Variants in SNX8 observed in about 807,000 individuals in gnomAD.
The protein encoded by SNX8 is sorting nexin 8.
A neutral mutation model predicts 51.6 loss-of-function variants in SNX8; 25 were observed. The observed-to-expected ratio is 0.48, with a 90% CI of 0.35 to 0.68. The LOEUF (loss-of-function observed/expected upper bound fraction) is 0.68, where lower values mean the gene tolerates loss of function less well. SNX8 is among the 30% of genes least tolerant of loss of function. SNX8 has a pLI of 0.00. For missense variants in SNX8, 695 were observed against 624.0 expected, an observed-to-expected ratio of 1.11 and a Z score of -1.21; for synonymous variants, 324 against 277.0, an observed-to-expected ratio of 1.17 and a Z score of -1.68.
chr7:2,331,042 C>G (rs1778724240), intron 1 of SNX8, among the ~76,000 whole-genome samples: 1 of 151,578 alleles, frequency 6.6e-6, no homozygotes, highest in African/African-American at 2.4e-5. Context: ...AAAAATTAGC[C>G]AGGCATGGTG....
chr7:2,350,353 C>T (rs2115254012), intron 1 of SNX8, among the ~76,000 whole-genome samples: 1 of 152,314 alleles, frequency 6.6e-6, no homozygotes, highest in Non-Finnish European at 1.5e-5. Flanking sequence ...CCCCAAGGGG[C>T]CGTGTGGCGG....
At chr7:2,265,306 C>T (rs553866059) in intron 5 of SNX8, among the ~76,000 whole-genome samples, 4 of 152,304 alleles carry the variant, frequency 2.6e-5, no homozygotes, top group African/African-American at 9.6e-5. Flanking sequence ...CACCACTGCA[C>T]CCCAGCCTGG....
intron 1 of SNX8, among the ~76,000 whole-genome samples, chr7:2,332,519 C>G (rs529954271): frequency 2.6e-5 from 4 of 152,150 alleles, no homozygotes; most frequent in Admixed American, 1.3e-4. Context: ...CTAGGAAGGT[C>G]GAAGTAGGAG....
chr7:2,267,273 C>T (rs1331324568), intron 5 of SNX8, among the ~76,000 whole-genome samples: 1 of 151,852 alleles, frequency 6.6e-6, no homozygotes, highest in Non-Finnish European at 1.5e-5. Context: ...AAGGGATGTA[C>T]TCTTCAAAGT....
chr7:2,354,488 C>T (rs1483153184), upstream of SNX8, among the ~76,000 whole-genome samples: 5 of 152,190 alleles, frequency 3.3e-5, no homozygotes, highest in African/African-American at 1.2e-4. Flanking sequence ...TCCTAGCATT[C>T]CGGGTACTAA....
At chr7:2,341,763 G>C (rs942518506) in intron 1 of SNX8, among the ~76,000 whole-genome samples, 2 of 152,028 alleles carry the variant, frequency 1.3e-5, no homozygotes, top group African/African-American at 4.8e-5. Context: ...GACGCAGGCA[G>C]ATCACCTGAG....
chr7:2,346,285 A>G (rs908727027), intron 1 of SNX8, among the ~76,000 whole-genome samples: 3 of 151,134 alleles, frequency 2.0e-5, no homozygotes, highest in Admixed American at 1.3e-4. Context: ...TCTACAAAAA[A>G]TAAAAAGAAA....
At chr7:2,321,263 G>C (rs1049204910) in intron 1 of SNX8, among the ~76,000 whole-genome samples, 1 of 152,076 alleles carries the variant, frequency 6.6e-6, no homozygotes, top group Non-Finnish European at 1.5e-5. Flanking sequence ...ATGCCGACAG[G>C]AGAGAAAAGG....
chr7:2,352,460 G>A (rs1292308743), intron 1 of SNX8, among the ~76,000 whole-genome samples: 3 of 152,008 alleles, frequency 2.0e-5, no homozygotes, highest in Non-Finnish European at 4.4e-5. Context: ...TAACTTTTAT[G>A]ACAATATATT....
At chr7:2,270,551 A>G (rs1006175928) in intron 4 of SNX8, among the ~76,000 whole-genome samples, 1 of 152,024 alleles carries the variant, frequency 6.6e-6, no homozygotes, top group African/African-American at 2.4e-5. Flanking sequence ...CTGCCCCCAG[A>G]ACAGGGATAT....
Position 2,352,099 on chromosome 7 carries a change from G to A in SNX8, c.-66+2123C>T, listed in dbSNP as rs560608141. 2.6e-3 allele frequency among the ~76,000 whole-genome samples: 401 copies of A among 151,620 alleles called. 2 individuals carry two copies. The highest frequency in any genetic ancestry group is 4.4e-3 in the Non-Finnish European group (301 of 67,902). On this transcript the variant is annotated intron_variant, in intron 1 of 5. Coordinates refer to the SNX8 transcript ENST00000435336. ...ATTTTTGTATTTTTAGTAGAGATGG[G>A]GTTTCACCATGTTGTTCAGGCTGGT...
chr7:2,301,713 G>C (rs1187024658), intron 1 of SNX8, among the ~76,000 whole-genome samples: 1 of 152,176 alleles, frequency 6.6e-6, no homozygotes, highest in Non-Finnish European at 1.5e-5. Flanking sequence ...CCCACTGGCA[G>C]GCGTGTCTTA....
chr7:2,318,281 T>C (rs1796785249), upstream of SNX8, among the ~76,000 whole-genome samples: 1 of 152,144 alleles, frequency 6.6e-6, no homozygotes, highest in Non-Finnish European at 1.5e-5. Context: ...CCAGGCACAG[T>C]TGCTCACACC....
upstream of SNX8, among the ~76,000 whole-genome samples, chr7:2,314,644 G>C (rs1292463681): frequency 1.3e-5 from 2 of 152,122 alleles, no homozygotes; most frequent in Non-Finnish European, 2.9e-5. Context: ...ACGTGGACAC[G>C]GAGCCTGCTG....
intron 1 of SNX8, among the ~76,000 whole-genome samples, chr7:2,305,768 C>T (rs1256803000): frequency 2.0e-5 from 3 of 152,018 alleles, no homozygotes; most frequent in African/African-American, 7.2e-5. Context: ...CACGTGTAAC[C>T]ACCATCCAGG....
intron 4 of SNX8, among the ~76,000 whole-genome samples, chr7:2,270,781 C>T (rs1288019553): frequency 6.6e-6 from 1 of 152,152 alleles, no homozygotes; most frequent in Non-Finnish European, 1.5e-5. Context: ...CAAAAGGAAC[C>T]AAGGCTTGTG....
chr7:2,354,219 T>C (rs1779256030), intron 1 of SNX8: 1 of 152,258 alleles, frequency 6.6e-6, no homozygotes, highest in Admixed American at 6.5e-5. Flanking sequence ...GAAACTTCCA[T>C]ACATTTTTGT....
At chr7:2,298,532 G>A (rs1181255302) in intron 1 of SNX8, among the ~76,000 whole-genome samples, 1 of 151,508 alleles carries the variant, frequency 6.6e-6, no homozygotes, top group African/African-American at 2.4e-5. Context: ...AGCACGCCCA[G>A]GTAATTTTTG....
rs369146756 is a variant in SNX8, at chr7:2,271,802, C to A, written c.540+48G>T. ...AGAGAGGAAAAGGCGGGTCCGGAGG[C>A]TCGGGGACTCCCCGGGGCCGGGACA... On this transcript the variant is annotated intron_variant, in intron 4 of 10. Coordinates refer to ENST00000222990, the MANE Select transcript of SNX8 (RefSeq NM_013321.4). 13 of 1,559,248 alleles carry A rather than the reference C, an allele frequency of 8.3e-6. No individual in the cohort carries two copies. The African/African-American group carries it at 1.6e-4, about 19-fold the overall frequency.
Sources: gnomAD v4.1 joint callset for allele counts (sites outside exome capture counted in the v4.1 genomes callset) on GRCh38, gnomAD v4.1.1 for gene constraint, MANE v1.5 for transcripts, NCBI Gene and HGNC (gene_info 2026-07-23, HGNC 2026-07-21) for gene names.